Variants in CSMD1 observed in about 807,000 individuals in gnomAD.
The protein encoded by CSMD1 is CUB and Sushi multiple domains 1.
Under a neutral mutation model 417.5 loss-of-function variants are expected in CSMD1, and 213 were observed. The observed-to-expected ratio is 0.51, with a 90% CI of 0.46 to 0.57. CSMD1 has a LOEUF of 0.57. Among genes scored for constraint, CSMD1 ranks in the 20% least tolerant of loss-of-function variants. The probability of loss-of-function intolerance (pLI) is 0.00; values close to 1 mark genes in which losing one functional copy is unlikely to be tolerated. For synonymous variants in CSMD1, 2,862 were observed against 1,736.8 expected (o/e 1.65, Z -16.11); for missense variants, 6,923 against 4,529.7 (o/e 1.53, Z -15.17).
In CSMD1 at chr8:3,436,087, T is replaced by C. The variant is rs552387533; in HGVS notation, c.1562-26482A>G. Among the ~76,000 whole-genome samples, 11 of 152,246 alleles carry C rather than the reference T, an allele frequency of 7.2e-5. 1 individual carries two copies. In the South Asian group the frequency reaches 2.1e-3, roughly 29 times the overall value. On this transcript the variant is annotated intron_variant, in intron 12 of 69. Transcript: ENST00000635120. ...GAGACTCACACTGCTGGTTCCACCC[T>C]AAGGAGCAGAGGCTCCCTCACTCTC...
rs758221766 is a variant in CSMD1, at chr8:2,963,326, G to A, written c.9350C>T (p.Ser3117Phe). ...GTCCATGCAGCTGTAACTTATGCTG[G>A]AGCCCCAGCGGAAATCACTTCCCTC... ...TVEGSDFRWG[S>F]SISYSCMDGY... is the part of the protein sequence containing the mutation. The change falls in exon 60 of 70, where the codon TCC (serine) becomes TTC (phenylalanine). Residue 3117 changes from serine (S) to phenylalanine (F), a missense_variant. Coordinates refer to ENST00000635120, the MANE Select transcript of CSMD1 (RefSeq NM_033225.6). The A allele has an allele frequency of 5.0e-6, 8 of 1,613,756 alleles. No individual in the cohort carries two copies. The highest frequency in any genetic ancestry group is 1.3e-5 in the African/African-American group (1 of 74,880).
intron 40 of CSMD1, among the ~76,000 whole-genome samples, chr8:3,150,774 G>A (rs986899974): frequency 4.6e-5 from 7 of 152,144 alleles, no homozygotes; most frequent in African/African-American, 9.7e-5. Context: ...AGGGAAAGGC[G>A]TGAGAGGGGA....
At chr8:3,745,884 G>C (rs1450008103) in intron 6 of CSMD1, among the ~76,000 whole-genome samples, 1 of 152,132 alleles carries the variant, frequency 6.6e-6, no homozygotes, top group East Asian at 1.9e-4. Context: ...TAATTGCCTG[G>C]GGAGCAGTCA....
At chr8:4,516,385 G>A (rs948805921) in intron 2 of CSMD1, among the ~76,000 whole-genome samples, 25 of 152,260 alleles carry the variant, frequency 1.6e-4, no homozygotes, top group African/African-American at 5.8e-4. Flanking sequence ...TATCATGGCA[G>A]CCTGAGACTA....
intron 3 of CSMD1, among the ~76,000 whole-genome samples, chr8:4,154,947 T>C (rs1033215451): frequency 6.6e-6 from 1 of 152,172 alleles, no homozygotes. Flanking sequence ...ATACAAAATG[T>C]TATATTGAAA....
chr8:4,951,054 C>A lies in CSMD1; in HGVS notation c.85+43278G>T, dbSNP rs558781188. Among the ~76,000 whole-genome samples the A allele has an allele frequency of 4.6e-5, 7 of 152,120 alleles. No individual in the cohort carries two copies. The East Asian group carries it at 7.7e-4, about 17-fold the overall frequency. On this transcript the variant is annotated intron_variant, in intron 1 of 69. Coordinates refer to ENST00000635120, the MANE Select transcript of CSMD1 (RefSeq NM_033225.6). ...TAATTTAACCCCCAAGAAGTAGCTT[C>A]AACAAATACAAATAATAAATGAAGA...
intron 5 of CSMD1, among the ~76,000 whole-genome samples, chr8:3,871,433 T>G (rs1488089092): frequency 6.6e-6 from 1 of 152,168 alleles, no homozygotes; most frequent in Non-Finnish European, 1.5e-5. Flanking sequence ...ACATGCATCA[T>G]TTAATTTCAA....
intron 5 of CSMD1, among the ~76,000 whole-genome samples, chr8:3,963,267 A>G (rs1034525033): frequency 4.6e-5 from 7 of 152,182 alleles, no homozygotes; most frequent in African/African-American, 1.7e-4. Context: ...AATAATTACG[A>G]GTTTGAGGAA....
chr8:3,091,575 T>A lies in CSMD1; in HGVS notation c.7226A>T (p.Tyr2409Phe), dbSNP rs778680657. 6.2e-7 allele frequency: 1 copy of A among 1,610,886 alleles called. No homozygotes were observed. Among genetic ancestry groups the A allele is most frequent in the South Asian group, 1.1e-5 (1 of 90,584 alleles). The stretch of plus-strand genomic sequence containing the variant: ...GGCATGGTCAGTGGACCAGCGGAGA[T>A]ATAACTGATTACTCCTGCTTGTAAA... ...SNFTSRSNQL[Y>F]LRWSTDHATS... Residue 2409 changes from tyrosine to phenylalanine, a missense_variant, in exon 48 of 70, where the codon TAT (tyrosine) becomes TTT (phenylalanine). By Grantham distance (22) the Tyr-to-Phe change is conservative (BLOSUM62 3). Coordinates refer to ENST00000635120, the MANE Select transcript of CSMD1 (RefSeq NM_033225.6).
chr8:3,376,399 T>A (rs1810304150), intron 18 of CSMD1, among the ~76,000 whole-genome samples: 1 of 152,010 alleles, frequency 6.6e-6, no homozygotes, highest in Non-Finnish European at 1.5e-5. Flanking sequence ...CACAGACTTG[T>A]TTTTAAAGCT....
chr8:3,486,104 G>A (rs898383060), intron 11 of CSMD1, among the ~76,000 whole-genome samples: 5 of 152,086 alleles, frequency 3.3e-5, no homozygotes, highest in Non-Finnish European at 4.4e-5. Context: ...TGCATTAAAT[G>A]ACAGTTCAAT....
chr8:3,423,230 C>T (rs546068631), intron 12 of CSMD1, among the ~76,000 whole-genome samples: 9 of 152,084 alleles, frequency 5.9e-5, no homozygotes, highest in Admixed American at 1.3e-4. Context: ...TTTAATTTGA[C>T]GAATTTGACT....
rs961569180 is a variant in CSMD1 at position 4,589,145 on chromosome 8, G to T, written c.302+48197C>A. Among the ~76,000 whole-genome samples the T allele has an allele frequency of 2.6e-5, 4 of 152,180 alleles. No homozygotes were observed. In the South Asian group the frequency reaches 8.3e-4, roughly 32 times the overall value. On this transcript the variant is annotated intron_variant, in intron 2 of 69. Transcript: ENST00000635120. ...AAAAAGAGAAACTAGAATTTTCATT[G>T]CTCTCAATGAGAAAAGAAAGAAAAG...
At chr8:2,954,623 T>C (rs1432930703) in intron 64 of CSMD1, among the ~76,000 whole-genome samples, 4 of 152,154 alleles carry the variant, frequency 2.6e-5, no homozygotes, top group Non-Finnish European at 5.9e-5. Flanking sequence ...CAAATAACCA[T>C]GATGTTACAG....
chr8:4,438,423 T>C (rs1798269567), intron 2 of CSMD1, among the ~76,000 whole-genome samples: 1 of 152,186 alleles, frequency 6.6e-6, no homozygotes, highest in Non-Finnish European at 1.5e-5. Context: ...ACTTAAACTC[T>C]ACCCATCCAC....
At chr8:4,458,307 T>G (rs1016615936) in intron 2 of CSMD1, among the ~76,000 whole-genome samples, 13 of 152,290 alleles carry the variant, frequency 8.5e-5, no homozygotes, top group South Asian at 2.1e-4. Flanking sequence ...CTCTTTTTTT[T>G]TGTGTGCGCA....
At position 3,777,859 on chromosome 8, in the gene CSMD1, C is replaced by G. The variant is rs137983639; in HGVS notation, c.819-23817G>C. 4.5e-3 allele frequency among the ~76,000 whole-genome samples: 671 copies of G among 149,980 alleles called. 8 individuals carry two copies. The highest frequency in any genetic ancestry group is 0.016 in the African/African-American group (632 of 40,164). ...CTCCTTGAAGTGCAGAGTCTCAGTT[C>G]CCACTCCAGACCCGCAGTCTCCTTG... On this transcript the variant is annotated intron_variant, in intron 5 of 69. Coordinates refer to ENST00000635120, the MANE Select transcript of CSMD1 (RefSeq NM_033225.6).
chr8:3,477,959 G>C (rs1047020453), intron 11 of CSMD1, among the ~76,000 whole-genome samples: 1 of 152,180 alleles, frequency 6.6e-6, no homozygotes, highest in Admixed American at 6.5e-5. Context: ...AGTCAAGGGA[G>C]TGCTTTCATT....
At chr8:3,749,190 T>C (rs1287667313) in intron 6 of CSMD1, among the ~76,000 whole-genome samples, 2 of 152,186 alleles carry the variant, frequency 1.3e-5, no homozygotes, top group African/African-American at 2.4e-5. Context: ...TTATAATTAA[T>C]GATGGAGGCA....
Sources: allele counts gnomAD v4.1 joint callset (sites outside exome capture counted in the v4.1 genomes callset), GRCh38; gene constraint gnomAD v4.1.1; transcripts MANE v1.5; gene names NCBI Gene and HGNC (gene_info 2026-07-23, HGNC 2026-07-21).